SDC2: variants seen among roughly 807,000 people sequenced by gnomAD.
SDC2 encodes the protein syndecan-2.
SDC2 carries 13 observed loss-of-function variants against 22.2 expected under a neutral mutation model. The observed-to-expected ratio is 0.59, with a 90% CI of 0.38 to 0.93. The LOEUF (loss-of-function observed/expected upper bound fraction) is 0.93. Ranked by LOEUF, SDC2 falls within the 40% of genes least tolerant of loss-of-function variation. SDC2 has a pLI of 0.00. For synonymous variants in SDC2, 94 were observed against 92.8 expected (o/e 1.01, Z -0.07); for missense variants, 235 against 246.8 (o/e 0.95, Z 0.32).
intron 1 of SDC2, among the ~76,000 whole-genome samples, chr8:96,583,111 T>G (rs368953592): frequency 6.7e-6 from 1 of 149,812 alleles, no homozygotes. Context: ...AATATTTGCT[T>G]CTTTTCTTAA....
At chr8:96,572,799 T>C (rs1166999740) in intron 1 of SDC2, among the ~76,000 whole-genome samples, 3 of 152,270 alleles carry the variant, frequency 2.0e-5, no homozygotes, top group Non-Finnish European at 4.4e-5. Context: ...CTACATTAGT[T>C]GAATACTTTC....
At chr8:96,560,633 T>G (rs1018706101) in intron 1 of SDC2, among the ~76,000 whole-genome samples, 3 of 152,136 alleles carry the variant, frequency 2.0e-5, no homozygotes, top group African/African-American at 7.2e-5. Context: ...TTTCTGAATT[T>G]CCCTGGAGAA....
intron 1 of SDC2, among the ~76,000 whole-genome samples, chr8:96,571,080 A>G (rs1484780655): frequency 6.6e-6 from 1 of 152,218 alleles, no homozygotes; most frequent in East Asian, 1.9e-4. Flanking sequence ...TTTTACTACA[A>G]CTTTAAAAAG....
intron 1 of SDC2, 84 bp downstream of exon 1, chr8:96,494,415 A>C: frequency 7.5e-7 from 1 of 1,334,472 alleles, no homozygotes; most frequent in Non-Finnish European, 1.0e-6. Context: ...GGGGAGCGCC[A>C]CCTGGGGAAC....
intron 1 of SDC2, among the ~76,000 whole-genome samples, chr8:96,543,418 T>A (rs1813883732): frequency 6.6e-6 from 1 of 152,216 alleles, no homozygotes; most frequent in African/African-American, 2.4e-5. Context: ...GCCACATTGG[T>A]AATGAAGGAA....
At chr8:96,515,043 G>C (rs1200631208) in intron 1 of SDC2, among the ~76,000 whole-genome samples, 1 of 152,208 alleles carries the variant, frequency 6.6e-6, no homozygotes, top group Non-Finnish European at 1.5e-5. Flanking sequence ...GTAGCCAGAA[G>C]ACTTGGGTTC....
chr8:96,522,951 TTGC>T (rs1485732247), intron 1 of SDC2, among the ~76,000 whole-genome samples: 2 of 152,206 alleles, frequency 1.3e-5, no homozygotes, highest in African/African-American at 2.4e-5. Context: ...CCTGCTGCTT[TTGC>T]CTAGGGTTGG....
chr8:96,587,726 A>G (rs1053657078), intron 1 of SDC2, among the ~76,000 whole-genome samples: 1 of 152,176 alleles, frequency 6.6e-6, no homozygotes, highest in African/African-American at 2.4e-5. Flanking sequence ...AAGATGTTAA[A>G]TCGATATTCT....
At chr8:96,554,853 C>T (rs1318549837) in intron 1 of SDC2, among the ~76,000 whole-genome samples, 1 of 152,226 alleles carries the variant, frequency 6.6e-6, no homozygotes, top group Non-Finnish European at 1.5e-5. Context: ...TGTTCCCTGA[C>T]ATCCTGCCTT....
chr8:96,571,395 G>A (rs988303143), intron 1 of SDC2, among the ~76,000 whole-genome samples: 3 of 152,182 alleles, frequency 2.0e-5, no homozygotes, highest in African/African-American at 2.4e-5. Flanking sequence ...GCAGGTCCCC[G>A]ATCACCGGGG....
intron 1 of SDC2, among the ~76,000 whole-genome samples, chr8:96,510,041 A>G (rs1278653407): frequency 6.6e-6 from 1 of 152,198 alleles, no homozygotes; most frequent in Non-Finnish European, 1.5e-5. Flanking sequence ...AAATGCACAC[A>G]TTGCCCTTCC....
intron 1 of SDC2, among the ~76,000 whole-genome samples, chr8:96,536,345 G>T (rs1373318263): frequency 6.6e-6 from 1 of 151,934 alleles, no homozygotes; most frequent in Non-Finnish European, 1.5e-5. Context: ...TTTTGAGACA[G>T]GGTCTTGCTC....
chr8:96,574,752 AT>A (rs1435274603), intron 1 of SDC2, among the ~76,000 whole-genome samples: 1 of 152,140 alleles, frequency 6.6e-6, no homozygotes, highest in African/African-American at 2.4e-5. Context: ...TCCTATCTTT[AT>A]TTTATGTTTT....
At chr8:96,533,481 T>C (rs1563651460) in intron 1 of SDC2, among the ~76,000 whole-genome samples, 1 of 152,052 alleles carries the variant, frequency 6.6e-6, no homozygotes, top group African/African-American at 2.4e-5. Context: ...TTTGCAAACC[T>C]TGAGCTAGAC....
At chr8:96,594,432 A>G (rs1195874343) in intron 2 of SDC2, among the ~76,000 whole-genome samples, 1 of 152,182 alleles carries the variant, frequency 6.6e-6, no homozygotes, top group Non-Finnish European at 1.5e-5. Flanking sequence ...TCACAGTAAC[A>G]GCAAGTAGAA....
chr8:96,559,581 C>G (rs528530695), intron 1 of SDC2, among the ~76,000 whole-genome samples: 1 of 152,194 alleles, frequency 6.6e-6, no homozygotes, highest in Non-Finnish European at 1.5e-5. Flanking sequence ...GATACTGCCT[C>G]CAGTAGGTTT....
chr8:96,495,037 C>T (rs1813047651), intron 1 of SDC2, among the ~76,000 whole-genome samples: 1 of 152,242 alleles, frequency 6.6e-6, no homozygotes, highest in Admixed American at 6.5e-5. Flanking sequence ...CGGCGACCCC[C>T]TCCTCGTTGA....
chr8:96,555,580 C>T (rs894163125), intron 1 of SDC2, among the ~76,000 whole-genome samples: 7 of 152,170 alleles, frequency 4.6e-5, no homozygotes, highest in African/African-American at 1.7e-4. Context: ...GCTACATAAA[C>T]ATATGCACAC....
At chr8:96,526,522 G>A (rs1813581121) in intron 1 of SDC2, among the ~76,000 whole-genome samples, 1 of 152,192 alleles carries the variant, frequency 6.6e-6, no homozygotes, top group Non-Finnish European at 1.5e-5. Context: ...CAAGGAGGCA[G>A]GGAGACAGAA....
Sources: gnomAD v4.1 joint callset for allele counts (sites outside exome capture counted in the v4.1 genomes callset) on GRCh38, gnomAD v4.1.1 for gene constraint, MANE v1.5 for transcripts, NCBI Gene and HGNC (gene_info 2026-07-23, HGNC 2026-07-21) for gene names.